Variants in PPP4R3B observed in about 807,000 individuals in gnomAD.
PPP4R3B encodes serine/threonine-protein phosphatase 4 regulatory subunit 3B.
A neutral mutation model predicts 95.4 loss-of-function variants in PPP4R3B; 52 were observed. The ratio of observed to expected loss-of-function variants is 0.54; its 90% CI spans 0.44 to 0.69. The LOEUF is 0.69. Ranked by LOEUF, PPP4R3B falls within the 30% of genes least tolerant of loss-of-function variation. The pLI is 0.00. For missense variants in PPP4R3B, 1,003 were observed against 1,005.9 expected (o/e 1.00, Z 0.04); for synonymous variants, 407 against 343.9 (o/e 1.18, Z -2.03).
intron 1 of PPP4R3B, among the ~76,000 whole-genome samples, chr2:55,616,344 G>T (rs1236364978): frequency 1.3e-5 from 2 of 152,124 alleles, no homozygotes; most frequent in Non-Finnish European, 2.9e-5. Flanking sequence ...GAACAAGCAA[G>T]AATACAAAAT....
chr2:55,569,425 C>T (rs901090227), intron 12 of PPP4R3B, among the ~76,000 whole-genome samples: 7 of 152,174 alleles, frequency 4.6e-5, no homozygotes, highest in African/African-American at 1.7e-4. Flanking sequence ...TAATTGTTTC[C>T]CTGTGATGCT....
intron 3 of PPP4R3B, among the ~76,000 whole-genome samples, chr2:55,600,617 T>C (rs1040200680): frequency 2.6e-5 from 4 of 151,988 alleles, no homozygotes; most frequent in African/African-American, 9.7e-5. Context: ...AAAAACTAAA[T>C]ACATATTCAG....
intron 7 of PPP4R3B, among the ~76,000 whole-genome samples, chr2:55,583,148 C>T (rs899970986): frequency 6.6e-6 from 1 of 152,030 alleles, no homozygotes; most frequent in African/African-American, 2.4e-5. Flanking sequence ...TATCAACTGC[C>T]ACTGAATATA....
rs1695134890 is a variant in PPP4R3B at position 55,617,494 on chromosome 2, C to G, written c.-209G>C. On this transcript the variant is annotated 5_prime_UTR_variant, in exon 1 of 17. Coordinates refer to ENST00000616407, the MANE Select transcript of PPP4R3B (RefSeq NM_001122964.3). ...TCTCCGCCCGGAGGCCCCGTTACCT[C>G]TCACTTCACCCGCGCATACACCCAC... 1 of 486,300 alleles carries G rather than the reference C, an allele frequency of 2.1e-6. No homozygotes were observed. The highest frequency in any genetic ancestry group is 4.0e-5 in the South Asian group (1 of 24,768). 30.1% of individuals were successfully genotyped at this position (486,300 alleles called of 1,614,324 possible). A position where few individuals can be genotyped will look rare whatever the true frequency, so the allele number is the denominator to read the frequency against.
intron 4 of PPP4R3B, among the ~76,000 whole-genome samples, chr2:55,596,112 A>C (rs1691743347): frequency 6.6e-6 from 1 of 152,214 alleles, no homozygotes; most frequent in African/African-American, 2.4e-5. Context: ...TATACACCCC[A>C]ATAATAACAG....
chr2:55,559,026 C>G, intron 15 of PPP4R3B, 58 bp from the exon 16 acceptor site: 4 of 1,339,834 alleles, frequency 3.0e-6, no homozygotes, highest in South Asian at 2.7e-5. Flanking sequence ...GTCAAAACAT[C>G]TAAAAACAGC....
chr2:55,615,561 A>G (rs2103937258), intron 1 of PPP4R3B, 55 bp from the exon 2 acceptor site: 1 of 1,307,398 alleles, frequency 7.6e-7, no homozygotes, highest in East Asian at 2.4e-5. Flanking sequence ...CCCTGAATAA[A>G]AATTAGAATA....
intron 4 of PPP4R3B, among the ~76,000 whole-genome samples, chr2:55,590,600 TA>T (rs558657706): frequency 2.6e-5 from 4 of 152,156 alleles, no homozygotes; most frequent in African/African-American, 7.2e-5. Context: ...CAAAATCTGC[TA>T]AAAAAACTGA....
chr2:55,609,544 A>G (rs1050605348), intron 2 of PPP4R3B, among the ~76,000 whole-genome samples: 2 of 151,676 alleles, frequency 1.3e-5, no homozygotes, highest in African/African-American at 4.8e-5. Flanking sequence ...CATGGTGTGC[A>G]CACCTACAGT....
intron 7 of PPP4R3B, among the ~76,000 whole-genome samples, chr2:55,582,574 T>G (rs1357953622): frequency 6.6e-6 from 1 of 152,204 alleles, no homozygotes; most frequent in Admixed American, 6.5e-5. Flanking sequence ...AAGATACATT[T>G]TGTAACTGAT....
chr2:55,599,754 T>C (rs1483108368), intron 3 of PPP4R3B, among the ~76,000 whole-genome samples: 1 of 152,238 alleles, frequency 6.6e-6, no homozygotes, highest in Non-Finnish European at 1.5e-5. Context: ...TTACAGCTGC[T>C]GCTTTAAATA....
Position 55,606,783 on chromosome 2 carries a change from T to C in PPP4R3B, c.199-2707A>G, listed in dbSNP as rs541964386. The stretch of plus-strand genomic sequence containing the variant: ...GATTTCAGTGAGCGAGATTGCATCA[T>C]TGCACTCCAGCCTGGGGGACAAAAG... On this transcript the variant is annotated intron_variant, in intron 2 of 16. Transcript: ENST00000616407. Among the ~76,000 whole-genome samples the C allele has an allele frequency of 3.5e-3, 523 of 147,762 alleles. 2 individuals are homozygous for C. Among genetic ancestry groups the C allele is most frequent in the South Asian group, 7.9e-3 (37 of 4,690 alleles).
At chr2:55,606,115 A>G (rs1401595438) in intron 2 of PPP4R3B, among the ~76,000 whole-genome samples, 1 of 152,142 alleles carries the variant, frequency 6.6e-6, no homozygotes, top group Non-Finnish European at 1.5e-5. Flanking sequence ...TTCCCAAGTC[A>G]TCTTAGAGCC....
chr2:55,601,676 A>G (rs568789527), intron 3 of PPP4R3B, among the ~76,000 whole-genome samples: 4 of 152,216 alleles, frequency 2.6e-5, no homozygotes, highest in Non-Finnish European at 5.9e-5. Flanking sequence ...CACTGCGCCC[A>G]GACCCAGACC....
chr2:55,611,072 G>A (rs536706562), intron 2 of PPP4R3B, among the ~76,000 whole-genome samples: 9 of 152,224 alleles, frequency 5.9e-5, no homozygotes, highest in Admixed American at 5.9e-4. Flanking sequence ...ATGTTGCCCA[G>A]GCTGGTCTTG....
At chr2:55,565,772 A>T (rs1558959397) in intron 13 of PPP4R3B, 1 of 204,654 alleles carries the variant, frequency 4.9e-6, no homozygotes, top group Non-Finnish European at 1.1e-5. Flanking sequence ...CACATATATC[A>T]TATAGGAGCT....
Position 55,547,855 on chromosome 2 carries a change from T to C in PPP4R3B, c.*2056A>G, listed in dbSNP as rs1405244116. 5 of 152,168 alleles carry C rather than the reference T, an allele frequency of 3.3e-5. No homozygotes were observed. Among genetic ancestry groups the C allele is most frequent in the Admixed American group, 2.0e-4 (3 of 15,278 alleles). The allele number at this position is 152,168 out of a possible 1,614,324, so 9.4% of individuals were successfully genotyped here. ...ATTGCTTGAACCCAGGTGGCGGATG[T>C]TGCAATAAGCCGAAATCGTGCAACT... On this transcript the variant is annotated 3_prime_UTR_variant, in exon 17 of 17. Transcript: ENST00000616407.
chr2:55,563,868 G>A (rs1157269035), intron 15 of PPP4R3B, among the ~76,000 whole-genome samples: 5 of 152,092 alleles, frequency 3.3e-5, no homozygotes, highest in African/African-American at 9.7e-5. Flanking sequence ...TCTCTTGTTA[G>A]TATATCTTTA....
At chr2:55,599,166 G>T in intron 3 of PPP4R3B, 127 bp from the exon 4 acceptor site, 1 of 868,326 alleles carries the variant, frequency 1.2e-6, no homozygotes, top group Non-Finnish European at 1.7e-6. Flanking sequence ...GGCCAGGCAC[G>T]GTGGCTCACG....
Sources: allele counts gnomAD v4.1 joint callset (sites outside exome capture counted in the v4.1 genomes callset), GRCh38; gene constraint gnomAD v4.1.1; transcripts MANE v1.5; gene names NCBI Gene and HGNC (gene_info 2026-07-23, HGNC 2026-07-21).